Variants in INTS12 observed in about 807,000 individuals in gnomAD.
INTS12 encodes the protein PHD finger protein 22.
In INTS12, 13 loss-of-function variants were observed where a neutral mutation model predicts 41.6. The ratio of observed to expected loss-of-function variants is 0.31; its 90% confidence interval spans 0.20 to 0.50. INTS12 has a LOEUF of 0.50. Among genes scored for constraint, INTS12 ranks in the 20% least tolerant of loss-of-function variants. The pLI is 0.98. For missense variants in INTS12, 432 were observed against 541.6 expected, an observed-to-expected ratio of 0.80 and a Z score of 2.01; for synonymous variants, 199 against 191.4, an observed-to-expected ratio of 1.04 and a Z score of -0.33.
intron 6 of INTS12, among the ~76,000 whole-genome samples, chr4:105,689,210 C>T (rs1247890719): frequency 6.6e-6 from 1 of 152,220 alleles, no homozygotes; most frequent in Non-Finnish European, 1.5e-5. Context: ...CTGCCATACA[C>T]GATCACAACA....
chr4:105,691,551 G>A (rs1731685443), intron 6 of INTS12, among the ~76,000 whole-genome samples: 1 of 152,228 alleles, frequency 6.6e-6, no homozygotes, highest in South Asian at 2.1e-4. Context: ...TATAAATATC[G>A]CCTCTGTACA....
intron 1 of INTS12, among the ~76,000 whole-genome samples, chr4:105,704,237 G>A (rs1416963299): frequency 6.6e-6 from 1 of 152,098 alleles, no homozygotes; most frequent in Non-Finnish European, 1.5e-5. Context: ...CCTCAGTCAG[G>A]TAAACCTAAT....
Position 105,708,632 on chromosome 4 carries a change from A to C in INTS12, c.-172+6T>G, listed in dbSNP as rs1408028587. The C allele has an allele frequency of 3.1e-6, 3 of 980,690 alleles. No individual in the cohort carries two copies. In the African/African-American group the frequency reaches 5.4e-5, roughly 18 times the overall value. 60.7% of individuals were successfully genotyped at this position (980,690 alleles called of 1,614,324 possible). On this transcript the variant is annotated splice_donor_region_variant and intron_variant, in intron 1 of 7. Transcript: ENST00000340139. ...GCCAGGAGCAGAGTCGCTCAGCATA[A>C]CTCACCGTTCCGCCCCGCCCTGCCG...
chr4:105,690,590 T>C (rs991241752), intron 6 of INTS12, among the ~76,000 whole-genome samples: 2 of 152,066 alleles, frequency 1.3e-5, no homozygotes, highest in Non-Finnish European at 2.9e-5. Flanking sequence ...CACTTTTAAA[T>C]ATATTGACCT....
chr4:105,689,907 G>A (rs1731625414), intron 6 of INTS12, among the ~76,000 whole-genome samples: 2 of 151,914 alleles, frequency 1.3e-5, no homozygotes, highest in African/African-American at 4.8e-5. Context: ...CCCTGTCTCA[G>A]AAAAAGAAAA....
In INTS12 at chr4:105,684,176, T is replaced by C. The variant is rs75516903; in HGVS notation, c.805-859A>G. ...TTCCTGGCTAATCAGAAGCTCACAA[T>C]GGTACCAATGCCACTATATAAATAC... On this transcript the variant is annotated intron_variant, in intron 7 of 7. Coordinates refer to ENST00000340139, the MANE Select transcript of INTS12 (RefSeq NM_020395.4). 9.5e-3 allele frequency among the ~76,000 whole-genome samples: 1,443 copies of C among 152,314 alleles called. 8 individuals carry two copies. The highest frequency in any genetic ancestry group is 0.017 in the Non-Finnish European group (1,175 of 67,996).
intron 6 of INTS12, 34 bp downstream of exon 6, chr4:105,691,942 G>A (rs764467188): frequency 2.8e-6 from 4 of 1,449,036 alleles, no homozygotes; most frequent in Non-Finnish European, 3.7e-6. Flanking sequence ...AACATTGACA[G>A]ACTGTTTAAA....
In INTS12 at chr4:105,683,150, C is replaced by T. The variant is rs780186895; in HGVS notation, c.972G>A (p.Ser324=). The change falls in exon 8 of 8, where the codon TCG becomes TCA. Residue 324 remains serine, a synonymous_variant. Transcript: ENST00000340139. ...TQNNTGKPAT[S]SANQKPVGLT... ...AACCCACAGGTTTCTGGTTAGCTGA[C>T]GAAGTAGCAGGTTTCCCAGTATTGT... 23 of 1,613,916 alleles carry T rather than the reference C, an allele frequency of 1.4e-5. No individual in the cohort carries two copies. Among genetic ancestry groups the T allele is most frequent in the South Asian group, 2.2e-5 (2 of 91,078 alleles).
chr4:105,703,058 C>CTGG (rs1365912059), intron 2 of INTS12: 2 of 977,026 alleles, frequency 2.0e-6, no homozygotes, highest in Non-Finnish European at 2.4e-6. Context: ...GGAGTTACAC[C>CTGG]AAATCATGTT....
rs1732397420 is a variant in INTS12 at position 105,708,659 on chromosome 4, T to G, written c.-193A>C. 2 of 951,294 alleles carry G rather than the reference T, an allele frequency of 2.1e-6. No individual in the cohort carries two copies. Among genetic ancestry groups the G allele is most frequent in the Non-Finnish European group, 2.5e-6 (2 of 799,112 alleles). 58.9% of individuals were successfully genotyped at this position (951,294 alleles called of 1,614,324 possible). A position where few individuals can be genotyped will look rare whatever the true frequency, so the allele number is the denominator to read the frequency against. ...TCACCGTTCCGCCCCGCCCTGCCGA[T>G]CCGTCTGTTCCCGGTGGTCCCTTCG... is the stretch of plus-strand genomic sequence containing the variant. On this transcript the variant is annotated 5_prime_UTR_variant, in exon 1 of 8. Coordinates refer to ENST00000340139, the MANE Select transcript of INTS12 (RefSeq NM_020395.4).
intron 6 of INTS12, among the ~76,000 whole-genome samples, chr4:105,687,467 T>C (rs1731536667): frequency 6.6e-6 from 1 of 152,174 alleles, no homozygotes; most frequent in Non-Finnish European, 1.5e-5. Context: ...CAGTTTTATT[T>C]TGACCAATAA....
At chr4:105,702,383 G>C (rs1179598962) in intron 2 of INTS12, among the ~76,000 whole-genome samples, 1 of 151,872 alleles carries the variant, frequency 6.6e-6, no homozygotes, top group African/African-American at 2.4e-5. Context: ...TGATCCACCC[G>C]CCTCGGCCTC....
chr4:105,693,117 C>T (rs984997280), intron 5 of INTS12, among the ~76,000 whole-genome samples, 182 bp downstream of exon 5: 14 of 152,168 alleles, frequency 9.2e-5, no homozygotes, highest in African/African-American at 2.9e-4. Flanking sequence ...AAATAGTTGA[C>T]AATTTTCAAT....
intron 5 of INTS12, among the ~76,000 whole-genome samples, chr4:105,692,669 A>C (rs1009188621): frequency 1.3e-5 from 2 of 151,988 alleles, no homozygotes; most frequent in Non-Finnish European, 2.9e-5. Flanking sequence ...GCCTTAATTA[A>C]ATTTGGCTAT....
intron 6 of INTS12, 200 bp from the exon 7 acceptor site, chr4:105,687,038 G>C: frequency 1.8e-6 from 1 of 563,242 alleles, no homozygotes; most frequent in South Asian, 2.2e-5. Flanking sequence ...TTTCTAAACA[G>C]TAAAGATAAT....
At chr4:105,693,019 T>G (rs563250363) in intron 5 of INTS12, among the ~76,000 whole-genome samples, 1 of 152,314 alleles carries the variant, frequency 6.6e-6, no homozygotes, top group East Asian at 1.9e-4. Flanking sequence ...ATATATATCA[T>G]AATATAATAA....
At chr4:105,689,140 G>A (rs548285321) in intron 6 of INTS12, among the ~76,000 whole-genome samples, 21 of 152,268 alleles carry the variant, frequency 1.4e-4, no homozygotes, top group African/African-American at 5.1e-4. Context: ...CCTGAAGCTG[G>A]GGAAAAACTC....
In INTS12 at chr4:105,693,444, G is replaced by C. The variant is rs1560776948; in HGVS notation, c.352C>G (p.Pro118Ala). The change falls in exon 5 of 8, where the codon CCT becomes GCT. Residue 118 changes from proline (P) to alanine (A), a missense_variant. By Grantham distance (27) the Pro-to-Ala change is conservative (BLOSUM62 -1). Around this residue, in one of 3 missense-constraint regions of INTS12, gnomAD observed 168 missense variants for 198.9 expected, o/e 0.84. Transcript: ENST00000340139. ...TGTGTTTCTGGTTTCTCCAATCTAGGTTTCTTTGGAATATCAACTCCTTCA... is the reference window on the plus strand; with the variant it reads ...TGTGTTTCTGGTTTCTCCAATCTAGCTTTCTTTGGAATATCAACTCCTTCA... ...ITEGVDIPKK[P>A]RLEKPETQSS... The C allele has an allele frequency of 1.2e-6, 2 of 1,613,354 alleles. No homozygotes were observed. Among genetic ancestry groups the C allele is most frequent in the African/African-American group, 2.7e-5 (2 of 74,994 alleles).
At chr4:105,683,392 T>C (rs1024832636) in intron 7 of INTS12, 75 bp from the exon 8 acceptor site, 14 of 1,117,794 alleles carry the variant, frequency 1.3e-5, no homozygotes, top group African/African-American at 1.6e-5. Flanking sequence ...AAGTTATGAA[T>C]TGGGAAATTT....
Sources: gnomAD v4.1 joint callset for allele counts (sites outside exome capture counted in the v4.1 genomes callset) on GRCh38, gnomAD v4.1.1 for gene constraint, gnomAD v4.1.1 regional missense constraint, MANE v1.5 for transcripts, NCBI Gene and HGNC (gene_info 2026-07-23, HGNC 2026-07-21) for gene names.